Variants in CDH18 observed in about 807,000 individuals in gnomAD.
CDH18 encodes cadherin-18.
Under a neutral mutation model 67.9 loss-of-function variants are expected in CDH18, and 31 were observed. The ratio of observed to expected loss-of-function variants is 0.46; its 90% CI spans 0.34 to 0.62. The LOEUF (loss-of-function observed/expected upper bound fraction) is 0.62. Ranked by LOEUF, CDH18 falls within the 20% of genes least tolerant of loss-of-function variation. The pLI is 0.01. For missense variants in CDH18, 890 were observed against 975.5 expected (o/e 0.91, Z 1.17); for synonymous variants, 362 against 347.2 (o/e 1.04, Z -0.48).
At chr5:20,097,173 TCA>T (rs1260720739) in intron 2 of CDH18, among the ~76,000 whole-genome samples, 1 of 152,182 alleles carries the variant, frequency 6.6e-6, no homozygotes, top group Non-Finnish European at 1.5e-5. Context: ...GTGTAAGCCT[TCA>T]GTTTTCTAGA....
intron 1 of CDH18, among the ~76,000 whole-genome samples, chr5:20,492,452 T>C (rs1377412094): frequency 2.6e-5 from 4 of 152,160 alleles, no homozygotes; most frequent in Non-Finnish European, 5.9e-5. Flanking sequence ...GAACTTTCCC[T>C]AGTAAAGTTG....
intron 1 of CDH18, among the ~76,000 whole-genome samples, chr5:20,531,740 G>T: frequency 6.6e-6 from 1 of 152,038 alleles, no homozygotes; most frequent in East Asian, 1.9e-4. Flanking sequence ...GCCTGTTGGG[G>T]GAGGGCAGGC....
chr5:20,278,317 C>T (rs1022642860), intron 1 of CDH18, among the ~76,000 whole-genome samples: 9 of 151,930 alleles, frequency 5.9e-5, no homozygotes, highest in African/African-American at 2.2e-4. Context: ...AGCAGCAGAC[C>T]GTTTGGTGCA....
intron 2 of CDH18, among the ~76,000 whole-genome samples, chr5:20,145,704 C>T (rs1196416958): frequency 1.3e-5 from 2 of 152,118 alleles, no homozygotes; most frequent in Non-Finnish European, 2.9e-5. Flanking sequence ...ATTCTACTAA[C>T]CTCTCCCTGG....
chr5:19,679,797 C>G (rs1313171490), intron 5 of CDH18, among the ~76,000 whole-genome samples: 2 of 151,782 alleles, frequency 1.3e-5, no homozygotes, highest in Non-Finnish European at 1.5e-5. Flanking sequence ...AGAGATGACA[C>G]AAACAAATGG....
At chr5:19,638,961 G>A (rs1753581313) in intron 5 of CDH18, among the ~76,000 whole-genome samples, 1 of 117,138 alleles carries the variant, frequency 8.5e-6, no homozygotes, top group Non-Finnish European at 1.8e-5. Flanking sequence ...AGATCGCTGG[G>A]AAGTTTTTTG....
intron 8 of CDH18, among the ~76,000 whole-genome samples, chr5:19,554,149 C>A (rs1265460702): frequency 6.6e-6 from 1 of 152,124 alleles, no homozygotes; most frequent in African/African-American, 2.4e-5. Flanking sequence ...GCACACATGG[C>A]ACATAGATAT....
chr5:20,460,999 C>T (rs1480235863), intron 1 of CDH18, among the ~76,000 whole-genome samples: 1 of 152,144 alleles, frequency 6.6e-6, no homozygotes, highest in Non-Finnish European at 1.5e-5. Flanking sequence ...GAGGAGTCCA[C>T]GTCTCAATTT....
At chr5:19,967,184 A>G (rs1579855916) in intron 2 of CDH18, among the ~76,000 whole-genome samples, 1 of 152,172 alleles carries the variant, frequency 6.6e-6, no homozygotes, top group Non-Finnish European at 1.5e-5. Context: ...GATTAACGAT[A>G]TTGATGTGAT....
At chr5:20,510,007 C>G (rs1304141557) in intron 1 of CDH18, among the ~76,000 whole-genome samples, 1 of 152,154 alleles carries the variant, frequency 6.6e-6, no homozygotes, top group Non-Finnish European at 1.5e-5. Flanking sequence ...ATCATTCCCA[C>G]TGTCAGTGTA....
intron 5 of CDH18, among the ~76,000 whole-genome samples, chr5:19,621,512 C>T (rs1750692939): frequency 1.3e-5 from 2 of 152,178 alleles, no homozygotes. Flanking sequence ...GATACCTGCA[C>T]TCCTATGTTC....
At chr5:20,458,817 T>C (rs1398952002) in intron 1 of CDH18, among the ~76,000 whole-genome samples, 1 of 152,146 alleles carries the variant, frequency 6.6e-6, no homozygotes, top group Non-Finnish European at 1.5e-5. Flanking sequence ...CTCCACTAAA[T>C]ATTAATACAA....
At chr5:19,911,132 C>T (rs1427913363) in intron 2 of CDH18, among the ~76,000 whole-genome samples, 1 of 152,182 alleles carries the variant, frequency 6.6e-6, no homozygotes, top group South Asian at 2.1e-4. Flanking sequence ...GTAAGTTGGG[C>T]ATGGAGTATG....
intron 2 of CDH18, among the ~76,000 whole-genome samples, chr5:19,974,224 C>A (rs1798285833): frequency 1.3e-5 from 2 of 151,906 alleles, no homozygotes; most frequent in African/African-American, 4.8e-5. Flanking sequence ...CATGTTAAAT[C>A]TGAGCAGAGT....
At chr5:19,509,808 T>C (rs556571605) in intron 10 of CDH18, among the ~76,000 whole-genome samples, 7 of 152,316 alleles carry the variant, frequency 4.6e-5, no homozygotes, top group Admixed American at 4.6e-4. Context: ...TTTTCTTAAA[T>C]CATTCTACTT....
intron 1 of CDH18, among the ~76,000 whole-genome samples, chr5:20,358,579 A>T (rs2150068099): frequency 6.6e-6 from 1 of 152,304 alleles, no homozygotes; most frequent in Non-Finnish European, 1.5e-5. Context: ...TGACCAGGCA[A>T]TACCACTTAC....
At chr5:19,531,929 C>CA (rs1330072680) in intron 9 of CDH18, among the ~76,000 whole-genome samples, 1 of 152,070 alleles carries the variant, frequency 6.6e-6, no homozygotes, top group Non-Finnish European at 1.5e-5. Context: ...TTGAAAAAGG[C>CA]AAAACTATAG....
At chr5:19,521,409 T>C (rs1746883106) in intron 9 of CDH18, among the ~76,000 whole-genome samples, 1 of 152,170 alleles carries the variant, frequency 6.6e-6, no homozygotes, top group Admixed American at 6.6e-5. Context: ...TTTTTATCTT[T>C]TCAGTGGGTT....
intron 2 of CDH18, among the ~76,000 whole-genome samples, chr5:19,856,823 C>T (rs1273373762): frequency 1.3e-5 from 2 of 152,082 alleles, no homozygotes; most frequent in Non-Finnish European, 2.9e-5. Context: ...TCTGTTGTTT[C>T]GGCCACCCAC....
Sources: allele counts gnomAD v4.1 joint callset (sites outside exome capture counted in the v4.1 genomes callset), GRCh38; gene constraint gnomAD v4.1.1; transcripts MANE v1.5; gene names NCBI Gene and HGNC (gene_info 2026-07-23, HGNC 2026-07-21).